Variants in CCDC191 observed in about 807,000 individuals in gnomAD.
The protein encoded by CCDC191 is coiled-coil domain containing 191.
A neutral mutation model predicts 114.0 loss-of-function variants in CCDC191; 99 were observed. The ratio of observed to expected loss-of-function variants is 0.87; its 90% CI spans 0.74 to 1.03. The LOEUF is 1.03. Ranked by LOEUF, CCDC191 falls within the 50% of genes least tolerant of loss-of-function variation. The probability of loss-of-function intolerance (pLI) is 0.00; values close to 1 mark genes in which losing one functional copy is unlikely to be tolerated. For synonymous variants in CCDC191, 351 were observed against 376.0 expected (o/e 0.93, Z 0.77); for missense variants, 973 against 1,087.0 (o/e 0.90, Z 1.47).
Position 114,053,654 on chromosome 3 carries a change from T to C in CCDC191, c.91-19A>G. On this transcript the variant is annotated intron_variant, in intron 1 of 16. Transcript: ENST00000295878. ...AAGTAGGCTGTAGATAACATATATA[T>C]GATATCAATACGCAGCAATATCTTT... is the stretch of plus-strand genomic sequence containing the variant. 2 of 1,552,668 alleles carry C rather than the reference T, an allele frequency of 1.3e-6. No homozygotes were observed. The highest frequency in any genetic ancestry group is 1.8e-6 in the Non-Finnish European group (2 of 1,129,498).
At chr3:114,011,467 G>A (rs1404120298) in intron 8 of CCDC191, among the ~76,000 whole-genome samples, 2 of 152,158 alleles carry the variant, frequency 1.3e-5, no homozygotes, top group Non-Finnish European at 2.9e-5. Context: ...CACTTAACAA[G>A]TTAAATTGTC....
At chr3:113,997,722 C>T (rs995334170) in intron 13 of CCDC191, among the ~76,000 whole-genome samples, 5 of 152,102 alleles carry the variant, frequency 3.3e-5, no homozygotes, top group African/African-American at 1.2e-4. Context: ...AATACATATA[C>T]AGTCATATGC....
At chr3:114,024,301 A>G (rs980013903) in intron 7 of CCDC191, among the ~76,000 whole-genome samples, 7 of 152,236 alleles carry the variant, frequency 4.6e-5, no homozygotes, top group Non-Finnish European at 1.0e-4. Context: ...GCGATTCCTC[A>G]GGGATCTAGA....
chr3:114,047,739 C>T (rs1050785776), intron 2 of CCDC191, among the ~76,000 whole-genome samples: 4 of 151,990 alleles, frequency 2.6e-5, no homozygotes, highest in Admixed American at 1.3e-4. Flanking sequence ...CTTTGGGAGG[C>T]CGAGGCGGGT....
At chr3:114,028,544 C>CA (rs1339732372) in intron 7 of CCDC191, among the ~76,000 whole-genome samples, 3 of 151,900 alleles carry the variant, frequency 2.0e-5, no homozygotes, top group African/African-American at 7.2e-5. Context: ...TTTGGCCTCC[C>CA]AAAGTGCTGG....
chr3:114,022,219 C>T (rs2076253691), intron 7 of CCDC191, among the ~76,000 whole-genome samples: 1 of 152,130 alleles, frequency 6.6e-6, no homozygotes. Context: ...AATTTATTAC[C>T]TGCACTGGAG....
At chr3:114,048,588 C>T (rs996152541) in intron 2 of CCDC191, among the ~76,000 whole-genome samples, 1 of 152,168 alleles carries the variant, frequency 6.6e-6, no homozygotes, top group Non-Finnish European at 1.5e-5. Flanking sequence ...TGCTCTCCTA[C>T]AGATACGCAT....
In CCDC191 at chr3:113,979,600, T is replaced by C. The variant is rs535090877; in HGVS notation, c.2308-590A>G. 2.7e-4 allele frequency among the ~76,000 whole-genome samples: 41 copies of C among 152,372 alleles called. No individual in the cohort carries two copies. The South Asian group carries it at 7.9e-3, about 29-fold the overall frequency. ...TATAGATTTTTAAAAGTAACTGTTATATTCTTTTAAGAGGCAAGAGGGGAA... is the reference window on the plus strand; with the variant it reads ...TATAGATTTTTAAAAGTAACTGTTACATTCTTTTAAGAGGCAAGAGGGGAA... On this transcript the variant is annotated intron_variant, in intron 14 of 16. Coordinates refer to ENST00000295878, the MANE Select transcript of CCDC191 (RefSeq NM_020817.2).
chr3:113,970,959 G>A (rs995038390), intron 16 of CCDC191, among the ~76,000 whole-genome samples: 1 of 152,112 alleles, frequency 6.6e-6, no homozygotes, highest in Non-Finnish European at 1.5e-5. Context: ...TCTTAATCCA[G>A]TCTATCATTG....
chr3:114,038,074 C>A (rs2076510869), intron 4 of CCDC191, among the ~76,000 whole-genome samples: 1 of 152,210 alleles, frequency 6.6e-6, no homozygotes, highest in African/African-American at 2.4e-5. Flanking sequence ...TTCCCACCAG[C>A]AGTGTAGAAG....
At chr3:113,976,588 TAGGC>T (rs1303892518) in intron 16 of CCDC191, among the ~76,000 whole-genome samples, 1 of 148,688 alleles carries the variant, frequency 6.7e-6, no homozygotes, top group African/African-American at 2.5e-5. Context: ...AAAGAAAACA[TAGGC>T]AGGCAAAAAG....
At chr3:113,969,209 A>G (rs769284687) in intron 16 of CCDC191, among the ~76,000 whole-genome samples, 1 of 152,248 alleles carries the variant, frequency 6.6e-6, no homozygotes, top group Non-Finnish European at 1.5e-5. Context: ...CTTCCGTCCA[A>G]CATTGAGGAT....
At chr3:114,025,249 T>C (rs1222350029) in intron 7 of CCDC191, among the ~76,000 whole-genome samples, 2 of 149,594 alleles carry the variant, frequency 1.3e-5, no homozygotes, top group Non-Finnish European at 3.0e-5. Context: ...CCTTCCTCAT[T>C]TCAACTTACC....
chr3:113,973,762 G>A (rs780184125), intron 16 of CCDC191, among the ~76,000 whole-genome samples: 21 of 151,874 alleles, frequency 1.4e-4, no homozygotes, highest in Non-Finnish European at 2.8e-4. Context: ...TGTCCTTGAC[G>A]TTTGAGAGTT....
At chr3:114,003,710 G>C in intron 11 of CCDC191, 1 of 985,478 alleles carries the variant, frequency 1.0e-6, no homozygotes, top group Non-Finnish European at 1.2e-6. Flanking sequence ...TGTCCTGGCA[G>C]ATAGTTAATG....
At chr3:114,029,603 G>GT (rs2076375756) in intron 7 of CCDC191, among the ~76,000 whole-genome samples, 1 of 152,102 alleles carries the variant, frequency 6.6e-6, no homozygotes, top group Admixed American at 6.5e-5. Context: ...TAGCTTCACA[G>GT]TATCTCCTGA....
At chr3:114,024,364 G>C (rs528655140) in intron 7 of CCDC191, among the ~76,000 whole-genome samples, 2 of 152,264 alleles carry the variant, frequency 1.3e-5, no homozygotes, top group South Asian at 4.1e-4. Flanking sequence ...ATACCCAAAG[G>C]ATTATAAATC....
At chr3:114,035,612 C>CTAT (rs1258354439) in intron 5 of CCDC191, among the ~76,000 whole-genome samples, 1 of 152,070 alleles carries the variant, frequency 6.6e-6, no homozygotes, top group South Asian at 2.1e-4. Context: ...TTATTCATTT[C>CTAT]TATTATTATT....
chr3:113,986,302 C>G (rs1054272245), intron 13 of CCDC191, among the ~76,000 whole-genome samples: 3 of 152,026 alleles, frequency 2.0e-5, no homozygotes, highest in African/African-American at 7.2e-5. Flanking sequence ...GAGTGAAAAA[C>G]AAAATAGTGC....
Sources: gnomAD v4.1 joint callset for allele counts (sites outside exome capture counted in the v4.1 genomes callset) on GRCh38, gnomAD v4.1.1 for gene constraint, MANE v1.5 for transcripts, NCBI Gene and HGNC (gene_info 2026-07-23, HGNC 2026-07-21) for gene names.